The following ZNF695 variants were observed in gnomAD, a reference collection of about 807,000 sequenced individuals.
ZNF695 encodes the protein zinc finger protein 695.
Under a neutral mutation model 11.2 loss-of-function variants are expected in ZNF695, and 11 were observed. The ratio of observed to expected loss-of-function variants is 0.98; its 90% CI spans 0.62 to 1.62. The LOEUF is 1.62. Among genes scored for constraint, ZNF695 ranks in the 40% most tolerant of loss-of-function variants. ZNF695 has a pLI of 0.00. For missense variants in ZNF695, 559 were observed against 590.5 expected (o/e 0.95, Z 0.55); for synonymous variants, 190 against 201.4 (o/e 0.94, Z 0.48).
chr1:246,976,651 A>T (rs12095868), intron 4 of ZNF695, among the ~76,000 whole-genome samples: 1 of 150,844 alleles, frequency 6.6e-6, no homozygotes, highest in Non-Finnish European at 1.5e-5. Flanking sequence ...AAAATTAGCC[A>T]GGCATGGTGG....
chr1:247,002,411 A>G (rs1669413124), intron 1 of ZNF695, among the ~76,000 whole-genome samples: 1 of 152,210 alleles, frequency 6.6e-6, no homozygotes, highest in South Asian at 2.1e-4. Flanking sequence ...AGTTAGAAAA[A>G]TCTCATATTA....
At chr1:246,985,318 C>T (rs1475336175), downstream of ZNF695, 16 of 984,332 alleles carry the variant, frequency 1.6e-5, no homozygotes, top group Non-Finnish European at 1.8e-5. Context: ...CAGAAATACA[C>T]GGTCTTTGAT....
intron 2 of ZNF695, among the ~76,000 whole-genome samples, 173 bp downstream of exon 2, chr1:246,999,739 G>C (rs879630299): frequency 5.3e-5 from 8 of 152,080 alleles, no homozygotes; most frequent in Non-Finnish European, 1.2e-4. Flanking sequence ...CTAGAGCAAG[G>C]ATATACATCA....
At chr1:247,007,095 AG>A (rs1456439522) in intron 1 of ZNF695, among the ~76,000 whole-genome samples, 5 of 152,348 alleles carry the variant, frequency 3.3e-5, no homozygotes, top group African/African-American at 1.2e-4. Flanking sequence ...CACCTTATGA[AG>A]ACCTTCCCTT....
chr1:246,960,453 G>T (rs1403448031), intron 5 of ZNF695, among the ~76,000 whole-genome samples: 1 of 152,052 alleles, frequency 6.6e-6, no homozygotes, highest in Non-Finnish European at 1.5e-5. Flanking sequence ...AAAAACAGTT[G>T]GTATTGTGTA....
intron 5 of ZNF695, among the ~76,000 whole-genome samples, chr1:246,962,309 T>C (rs1668182508): frequency 6.6e-6 from 1 of 152,150 alleles, no homozygotes. Flanking sequence ...CACAGGAATA[T>C]GGCTAGCAAG....
chr1:246,998,408 G>A (rs183613657), intron 3 of ZNF695, among the ~76,000 whole-genome samples: 9 of 152,250 alleles, frequency 5.9e-5, no homozygotes, highest in Non-Finnish European at 1.2e-4. Context: ...ATTTAGGCAC[G>A]TAGGGTTCAA....
At chr1:246,980,983 G>GA (rs1668694868), downstream of ZNF695, among the ~76,000 whole-genome samples, 1 of 152,064 alleles carries the variant, frequency 6.6e-6, no homozygotes, top group Non-Finnish European at 1.5e-5. Context: ...ACCACAGAAT[G>GA]AAAAAATATT....
chr1:247,005,202 C>T (rs188629893), intron 1 of ZNF695, among the ~76,000 whole-genome samples: 1 of 152,156 alleles, frequency 6.6e-6, no homozygotes, highest in South Asian at 2.1e-4. Flanking sequence ...AGAGCTATAG[C>T]AACAAAAACA....
chr1:246,988,242 A>G lies in ZNF695; in HGVS notation c.273T>C (p.Tyr91=). 1 of 1,557,252 alleles carries G rather than the reference A, an allele frequency of 6.4e-7. No homozygotes were observed. Among genetic ancestry groups the G allele is most frequent in the Non-Finnish European group, 8.6e-7 (1 of 1,156,938 alleles). Reference sequence around the variant, plus strand: ...GCTCTGGCAAAATGTCTTCAGTAAGATAAGAAGACAAAACTGGAAAAAATA... The same window carrying G: ...GCTCTGGCAAAATGTCTTCAGTAAGGTAAGAAGACAAAACTGGAAAAAATA... ...KTARHSVLSS[Y]LTEDILPEQG... is the part of the protein sequence containing the mutation. The change falls in exon 4 of 4, where the codon TAT becomes TAC. Residue 91 remains tyrosine (Y), a synonymous_variant. Coordinates refer to ENST00000339986, the MANE Select transcript of ZNF695 (RefSeq NM_020394.5).
At chr1:246,950,503 T>C (rs1667844390) in intron 5 of ZNF695, among the ~76,000 whole-genome samples, 2 of 151,824 alleles carry the variant, frequency 1.3e-5, no homozygotes. Context: ...CATAAAAAAT[T>C]AGCTGGGCGT....
chr1:246,972,532 T>G (rs1440548433), intron 4 of ZNF695, among the ~76,000 whole-genome samples: 3 of 152,022 alleles, frequency 2.0e-5, no homozygotes, highest in African/African-American at 4.8e-5. Context: ...GGCCTCTGAG[T>G]TTTTTTTGAG....
chr1:247,001,054 A>T (rs1669364765), intron 1 of ZNF695, among the ~76,000 whole-genome samples: 1 of 152,140 alleles, frequency 6.6e-6, no homozygotes, highest in African/African-American at 2.4e-5. Flanking sequence ...ATCAGTATTA[A>T]CTTTGAATGT....
At chr1:246,980,408 C>T (rs546840333), downstream of ZNF695, among the ~76,000 whole-genome samples, 2 of 136,092 alleles carry the variant, frequency 1.5e-5, no homozygotes, top group African/African-American at 4.9e-5. Flanking sequence ...AAGATTTGCC[C>T]CCCTGCCACT....
intron 1 of ZNF695, among the ~76,000 whole-genome samples, chr1:247,000,534 T>C (rs553888239): frequency 1.1e-4 from 17 of 152,010 alleles, no homozygotes; most frequent in Non-Finnish European, 2.2e-4. Context: ...ATAAAAAATA[T>C]ATATATATAC....
At chr1:246,980,955 C>T (rs1379813732), downstream of ZNF695, among the ~76,000 whole-genome samples, 3 of 152,048 alleles carry the variant, frequency 2.0e-5, no homozygotes, top group Non-Finnish European at 4.4e-5. Flanking sequence ...CAGCTACAAT[C>T]AATGATATGA....
intron 5 of ZNF695, among the ~76,000 whole-genome samples, chr1:246,958,604 G>A (rs975911242): frequency 1.3e-5 from 2 of 152,138 alleles, no homozygotes; most frequent in African/African-American, 2.4e-5. Flanking sequence ...CTGCTGTCAT[G>A]ATCCTGAGTG....
exon 6 of ZNF695, chr1:246,945,764 T>C: frequency 1.3e-6 from 2 of 1,550,178 alleles, no homozygotes; most frequent in South Asian, 1.2e-5. Flanking sequence ...CCAGGCACTG[T>C]GTTCAAGCAG....
chr1:246,995,353 C>T (rs1171057549), intron 3 of ZNF695, among the ~76,000 whole-genome samples: 1 of 152,240 alleles, frequency 6.6e-6, no homozygotes, highest in Non-Finnish European at 1.5e-5. Flanking sequence ...CTTAATATTA[C>T]GAAGATGTTC....
Sources: gnomAD v4.1 joint callset for allele counts (sites outside exome capture counted in the v4.1 genomes callset) on GRCh38, gnomAD v4.1.1 for gene constraint, MANE v1.5 for transcripts, NCBI Gene and HGNC (gene_info 2026-07-23, HGNC 2026-07-21) for gene names.